The following MRAS variants were observed in gnomAD, a reference collection of about 807,000 sequenced individuals.
MRAS encodes ras-related protein M-Ras.
A neutral mutation model predicts 20.9 loss-of-function variants in MRAS; 4 were observed. That is an observed-to-expected ratio of 0.19 (90% CI 0.09 to 0.44). The LOEUF is 0.44. Among genes scored for constraint, MRAS ranks in the 20% least tolerant of loss-of-function variants. The pLI is 0.99. For synonymous variants in MRAS, 98 were observed against 102.9 expected (o/e 0.95, Z 0.29); for missense variants, 154 against 277.5 (o/e 0.56, Z 3.16).
intron 1 of MRAS, among the ~76,000 whole-genome samples, chr3:138,352,953 A>G (rs2054257878): frequency 1.3e-5 from 2 of 152,052 alleles, no homozygotes; most frequent in African/African-American, 4.8e-5. Context: ...ACGTGAAAAT[A>G]CGCTTGGGAG....
At chr3:138,373,456 G>A (rs2054716600) in intron 2 of MRAS, among the ~76,000 whole-genome samples, 1 of 152,210 alleles carries the variant, frequency 6.6e-6, no homozygotes, top group South Asian at 2.1e-4. Context: ...TGTCCTTTGA[G>A]GGGAATCTCT....
chr3:138,395,419 C>A (rs940338841), intron 2 of MRAS, among the ~76,000 whole-genome samples: 11 of 152,022 alleles, frequency 7.2e-5, no homozygotes, highest in Non-Finnish European at 1.3e-4. Flanking sequence ...GTGTGGCAGG[C>A]CCCACCATCT....
rs561856077 is a variant in MRAS, at chr3:138,358,226, A to G, written c.-19+9459A>G. ...GTGGCATGTTCCTGTAGTAACAGCT[A>G]CTTGGAAGGCTGAGGCAGGAGAGTC... On this transcript the variant is annotated intron_variant, in intron 1 of 5. Transcript: ENST00000423968. Among the ~76,000 whole-genome samples, 5 of 152,270 alleles carry G rather than the reference A, an allele frequency of 3.3e-5. No individual in the cohort carries two copies. In the South Asian group the frequency reaches 8.3e-4, roughly 25 times the overall value.
Position 138,395,460 on chromosome 3 carries a change from C to T in MRAS, c.194-1864C>T, listed in dbSNP as rs139550089. Reference sequence around the variant, plus strand: ...CACCTCCTCTCCATCCTTCACACGCCCTTCACTCCCCTTCTTGCCCTTGCA... The same window carrying T: ...CACCTCCTCTCCATCCTTCACACGCTCTTCACTCCCCTTCTTGCCCTTGCA... On this transcript the variant is annotated intron_variant, in intron 2 of 5. Coordinates refer to ENST00000423968, the MANE Select transcript of MRAS (RefSeq NM_001085049.3). Among the ~76,000 whole-genome samples the T allele has an allele frequency of 5.5e-3, 839 of 152,196 alleles. 4 individuals carry two copies. The highest frequency in any genetic ancestry group is 9.8e-3 in the Non-Finnish European group (665 of 68,012).
Position 138,402,509 on chromosome 3 carries a change from C to G in MRAS, c.*240C>G, listed in dbSNP as rs1399306579. The G allele has an allele frequency of 2.2e-6, 1 of 459,056 alleles. No homozygotes were observed. Among genetic ancestry groups the G allele is most frequent in the East Asian group, 3.4e-5 (1 of 29,634 alleles). 28.4% of individuals were successfully genotyped at this position (459,056 alleles called of 1,614,324 possible). ...GTAAGCAGAAGCAGCATCCAAGTGC[C>G]CCTGGCCCCCCCATGTGTTGATTCA... On this transcript the variant is annotated 3_prime_UTR_variant, in exon 6 of 6. Coordinates refer to ENST00000423968, the MANE Select transcript of MRAS (RefSeq NM_001085049.3).
At chr3:138,393,107 G>A (rs1204896451) in intron 2 of MRAS, among the ~76,000 whole-genome samples, 2 of 152,112 alleles carry the variant, frequency 1.3e-5, no homozygotes, top group African/African-American at 2.4e-5. Flanking sequence ...CAAATGAGGC[G>A]AGAACTTTAG....
chr3:138,374,258 C>G (rs894661025), intron 2 of MRAS, among the ~76,000 whole-genome samples: 1 of 152,126 alleles, frequency 6.6e-6, no homozygotes, highest in African/African-American at 2.4e-5. Context: ...TGAACCACCA[C>G]GCCTGGCTTA....
intron 1 of MRAS, among the ~76,000 whole-genome samples, chr3:138,369,944 C>T (rs532467170): frequency 2.7e-4 from 41 of 152,312 alleles, no homozygotes; most frequent in African/African-American, 9.1e-4. Flanking sequence ...TAAAGACAAA[C>T]GGTTTTCCTT....
At chr3:138,359,740 A>G (rs1032247528) in intron 1 of MRAS, among the ~76,000 whole-genome samples, 3 of 152,102 alleles carry the variant, frequency 2.0e-5, no homozygotes, top group African/African-American at 7.2e-5. Context: ...CTCTTCAGTG[A>G]GATCATTTCC....
At position 138,368,049 on chromosome 3, in the gene MRAS, A is replaced by T. The variant is rs115308572; in HGVS notation, c.-18-4817A>T. Among the ~76,000 whole-genome samples, 3 of 152,366 alleles carry T rather than the reference A, an allele frequency of 2.0e-5. No individual in the cohort carries two copies. The South Asian group carries it at 6.2e-4, about 32-fold the overall frequency. On this transcript the variant is annotated intron_variant, in intron 1 of 5. Coordinates refer to ENST00000423968, the MANE Select transcript of MRAS (RefSeq NM_001085049.3). ...CGGGGCCCTGGGAGCAGTGGTTGCCATGGGAACCAGTTCAGCCGCCCCCAC... is the reference window on the plus strand; with the variant it reads ...CGGGGCCCTGGGAGCAGTGGTTGCCTTGGGAACCAGTTCAGCCGCCCCCAC...
At chr3:138,356,486 A>G (rs1185727840) in intron 1 of MRAS, among the ~76,000 whole-genome samples, 1 of 152,154 alleles carries the variant, frequency 6.6e-6, no homozygotes, top group East Asian at 1.9e-4. Context: ...CTTTTTAGAT[A>G]ACCCACAAAT....
At chr3:138,348,248 C>G (rs1333365713), upstream of MRAS, 1 of 152,284 alleles carries the variant, frequency 6.6e-6, no homozygotes, top group African/African-American at 2.4e-5. Flanking sequence ...AGCGCAGAGG[C>G]TCTTAAAGAG....
chr3:138,373,897 A>G (rs1464697534), intron 2 of MRAS, among the ~76,000 whole-genome samples: 2 of 151,626 alleles, frequency 1.3e-5, no homozygotes, highest in Non-Finnish European at 2.9e-5. Context: ...TTATTTATTT[A>G]TTTATTTGTT....
rs373918677 is a variant in MRAS at position 138,372,861 on chromosome 3, C to T, written c.-18-5C>T. On this transcript the variant is annotated splice_region_variant and splice_polypyrimidine_tract_variant and intron_variant, in intron 1 of 5. Coordinates refer to ENST00000423968, the MANE Select transcript of MRAS (RefSeq NM_001085049.3). ...TGTCTCATTCCACATGTCTTGCTGCCGCAGGTCTGACCTACGAGAAACATG... is the reference window on the plus strand; with the variant it reads ...TGTCTCATTCCACATGTCTTGCTGCTGCAGGTCTGACCTACGAGAAACATG... 48 of 1,504,558 alleles carry T rather than the reference C, an allele frequency of 3.2e-5. No homozygotes were observed. In the East Asian group the frequency reaches 4.3e-4, roughly 14 times the overall value. 93.2% of individuals were successfully genotyped at this position (1,504,558 alleles called of 1,614,324 possible). A position where few individuals can be genotyped will look rare whatever the true frequency, so the allele number is the denominator to read the frequency against.
chr3:138,396,795 C>T (rs2055245764), intron 2 of MRAS, among the ~76,000 whole-genome samples: 1 of 152,118 alleles, frequency 6.6e-6, no homozygotes, highest in African/African-American at 2.4e-5. Context: ...AGAAGCCCTT[C>T]CTGCCCAGAT....
intron 3 of MRAS, among the ~76,000 whole-genome samples, chr3:138,398,036 T>C (rs543846459): frequency 2.6e-5 from 4 of 152,360 alleles, no homozygotes; most frequent in African/African-American, 9.6e-5. Context: ...TGCGGTGAGA[T>C]TGTCGTTTCA....
intron 1 of MRAS, among the ~76,000 whole-genome samples, chr3:138,368,261 TGA>T (rs923240287): frequency 6.6e-6 from 1 of 152,126 alleles, no homozygotes. Flanking sequence ...AGGCTGGGAA[TGA>T]GAGAGAGTGT....
intron 1 of MRAS, among the ~76,000 whole-genome samples, chr3:138,359,451 A>G (rs1323540189): frequency 6.6e-6 from 1 of 152,154 alleles, no homozygotes; most frequent in Non-Finnish European, 1.5e-5. Context: ...TTTAAAAATG[A>G]AGGTTGAATT....
chr3:138,400,754 C>G lies in MRAS; in HGVS notation c.527+141C>G, dbSNP rs570762740. The G allele has an allele frequency of 1.3e-4, 91 of 710,028 alleles. No individual in the cohort carries two copies. The African/African-American group carries it at 1.4e-3, about 11-fold the overall frequency. 44.0% of individuals were successfully genotyped at this position (710,028 alleles called of 1,614,324 possible). ...GGGCCTATTTTTGGATTTCTTGTCC[C>G]TCCTTCCATTTCTTTCTTTTGCTTT... is the stretch of plus-strand genomic sequence containing the variant. On this transcript the variant is annotated intron_variant, in intron 5 of 5. Coordinates refer to ENST00000423968, the MANE Select transcript of MRAS (RefSeq NM_001085049.3).
Sources: gnomAD v4.1 joint callset for allele counts (sites outside exome capture counted in the v4.1 genomes callset) on GRCh38, gnomAD v4.1.1 for gene constraint, MANE v1.5 for transcripts, NCBI Gene and HGNC (gene_info 2026-07-23, HGNC 2026-07-21) for gene names.